The following LHX4 variants were observed in gnomAD, a reference collection of about 807,000 sequenced individuals.
LHX4 encodes the protein LIM homeobox 4, also known as LIM/homeobox protein Lhx4.
A neutral mutation model predicts 39.2 loss-of-function variants in LHX4; 16 were observed. That is an observed-to-expected ratio of 0.41 (90% CI 0.28 to 0.62). The LOEUF (loss-of-function observed/expected upper bound fraction) is 0.62, where lower values mean the gene tolerates loss of function less well. LHX4 is among the 20% of genes least tolerant of loss of function. LHX4 has a pLI of 0.33. For missense variants in LHX4, 439 were observed against 511.9 expected (o/e 0.86, Z 1.37); for synonymous variants, 206 against 198.1 (o/e 1.04, Z -0.33).
chr1:180,257,076 G>A (rs938297112), intron 2 of LHX4, among the ~76,000 whole-genome samples: 9 of 152,208 alleles, frequency 5.9e-5, no homozygotes, highest in East Asian at 1.9e-4. Context: ...GGTCCTGCAC[G>A]TCCCGTTGCC....
At chr1:180,231,540 C>T (rs1378245462) in intron 1 of LHX4, among the ~76,000 whole-genome samples, 1 of 135,752 alleles carries the variant, frequency 7.4e-6, no homozygotes, top group Non-Finnish European at 1.6e-5. Context: ...GAGGCCAGAA[C>T]AGGTGCCCAG....
In LHX4 at chr1:180,266,622, C is replaced by G. The variant is rs777054790; in HGVS notation, c.451+28C>G. ...AAGCAGCATGGCCCCGCATGGTCCC[C>G]TCTCCAGGCCTTTGTTTGGGCCACG... is the stretch of plus-strand genomic sequence containing the variant. On this transcript the variant is annotated intron_variant, in intron 3 of 5. Coordinates refer to ENST00000263726, the MANE Select transcript of LHX4 (RefSeq NM_033343.4). The surrounding 1 kb of genome is among the most constrained non-coding windows in gnomAD (Gnocchi z 5.7). 1 of 1,607,026 alleles carries G rather than the reference C, an allele frequency of 6.2e-7. No individual in the cohort carries two copies. The highest frequency in any genetic ancestry group is 8.5e-7 in the Non-Finnish European group (1 of 1,175,584).
chr1:180,270,938 G>A (rs1648610482), intron 3 of LHX4: 1 of 264,424 alleles, frequency 3.8e-6, no homozygotes, highest in Non-Finnish European at 7.5e-6. Flanking sequence ...TGGGGAAATG[G>A]GAGACTCCTG....
Position 180,266,919 on chromosome 1 carries a change from G to A in LHX4, c.451+325G>A, listed in dbSNP as rs1191833901. Among the ~76,000 whole-genome samples the A allele has an allele frequency of 6.6e-6, 1 of 152,204 alleles. No individual in the cohort carries two copies. The highest frequency in any genetic ancestry group is 1.5e-5 in the Non-Finnish European group (1 of 68,032). On this transcript the variant is annotated intron_variant, in intron 3 of 5. Coordinates refer to ENST00000263726, the MANE Select transcript of LHX4 (RefSeq NM_033343.4). This position sits in a 1 kb window ranked among gnomAD's most constrained non-coding sequence, Gnocchi z 5.7. ...CCTCCTTCCCTGGGTGGAGGCTGGG[G>A]TGCTGAGGGGTGGCTGGGAGCTTGG...
Position 180,257,760 on chromosome 1 carries a change from T to C in LHX4, c.249-8632T>C, listed in dbSNP as rs1270640444. Among the ~76,000 whole-genome samples, 4 of 152,212 alleles carry C rather than the reference T, an allele frequency of 2.6e-5. No individual in the cohort carries two copies. In the East Asian group the frequency reaches 7.7e-4, roughly 29 times the overall value. On this transcript the variant is annotated intron_variant, in intron 2 of 5. Coordinates refer to ENST00000263726, the MANE Select transcript of LHX4 (RefSeq NM_033343.4). ...TCAACTTGTGCAGTATTTTGTTTCC[T>C]CAGGACGGTGCACCGTTCCATGGCA... is the stretch of plus-strand genomic sequence containing the variant.
At chr1:180,259,131 G>C (rs1006838301) in intron 2 of LHX4, among the ~76,000 whole-genome samples, 6 of 151,984 alleles carry the variant, frequency 3.9e-5, no homozygotes, top group Admixed American at 3.9e-4. Context: ...GGAGGAGGAG[G>C]AGCAGGAGCA....
In LHX4 at chr1:180,274,616, TGA is replaced by T; in HGVS notation, c.*42_*43del. On this transcript the variant is annotated 3_prime_UTR_variant, in exon 6 of 6. Transcript: ENST00000263726. ...CCCCACCCTACCTGCCCCCCTGGCT[TGA>T]GAGAATATCTTCAAGGATCAAAAGA... 6.6e-7 allele frequency: 1 copy of T among 1,518,362 alleles called. No homozygotes were observed. Among genetic ancestry groups the T allele is most frequent in the Non-Finnish European group, 8.8e-7 (1 of 1,137,574 alleles). The allele number at this position is 1,518,362 out of a possible 1,614,324, so 94.1% of individuals were successfully genotyped here. A position where few individuals can be genotyped will look rare whatever the true frequency, so the allele number is the denominator to read the frequency against.
chr1:180,275,443 A>AT lies in LHX4; in HGVS notation c.*864_*865insT, dbSNP rs1252867621. On this transcript the variant is annotated 3_prime_UTR_variant, in exon 6 of 6. Coordinates refer to ENST00000263726, the MANE Select transcript of LHX4 (RefSeq NM_033343.4). ...ATGTGGGGAGAACAAAATGACAATC[A>AT]ATCAGTGAACATTTGTAGACACATT... 1.3e-5 allele frequency: 2 copies of AT among 152,254 alleles called. No individual in the cohort carries two copies. Among genetic ancestry groups the AT allele is most frequent in the Non-Finnish European group, 2.9e-5 (2 of 68,044 alleles). The allele number at this position is 152,254 out of a possible 1,614,324, so 9.4% of individuals were successfully genotyped here.
At chr1:180,247,259 AG>A (rs1647423403) in intron 1 of LHX4, among the ~76,000 whole-genome samples, 1 of 152,224 alleles carries the variant, frequency 6.6e-6, no homozygotes, top group Admixed American at 6.5e-5. Context: ...GAAGTCACCC[AG>A]GACAGGAACC....
At chr1:180,244,556 T>G (rs1234735252) in intron 1 of LHX4, among the ~76,000 whole-genome samples, 1 of 152,220 alleles carries the variant, frequency 6.6e-6, no homozygotes, top group Non-Finnish European at 1.5e-5. Flanking sequence ...ACTCATCAGA[T>G]TAAGGCTCCC....
chr1:180,262,281 GAAAAAAAA>G (rs34979970), intron 2 of LHX4, among the ~76,000 whole-genome samples: 4 of 132,562 alleles, frequency 3.0e-5, no homozygotes, highest in Middle Eastern at 3.5e-3. Context: ...ACTTTGAAAG[GAAAAAAAA>G]AAAAAAAAAA....
In LHX4 at chr1:180,274,402, C is replaced by T; in HGVS notation, c.996C>T (p.Tyr332=). 1 of 1,614,210 alleles carries T rather than the reference C, an allele frequency of 6.2e-7. No homozygotes were observed. Among genetic ancestry groups the T allele is most frequent in the Non-Finnish European group, 8.5e-7 (1 of 1,180,042 alleles). Residue 332 remains tyrosine, a synonymous_variant, in exon 6 of 6, where the codon TAC becomes TAT. Transcript: ENST00000263726. The part of the protein sequence containing the change: ...SHAPLLNGLD[Y]TVDSNLGIIA... ...CTCCTTTGCTCAATGGGCTGGATTA[C>T]ACGGTGGACAGTAATTTGGGCATCA...
intron 2 of LHX4, among the ~76,000 whole-genome samples, chr1:180,253,313 A>G (rs1036065567): frequency 1.1e-4 from 16 of 152,294 alleles, no homozygotes; most frequent in Admixed American, 3.9e-4. Context: ...TCCCCTTGCT[A>G]TCACCAGGTG....
In LHX4 at chr1:180,271,562, CG is replaced by C. The variant is rs747930737; in HGVS notation, c.606+32del. 4 of 1,613,292 alleles carry C rather than the reference CG, an allele frequency of 2.5e-6. No individual in the cohort carries two copies. The African/African-American group carries it at 5.3e-5, about 22-fold the overall frequency. On this transcript the variant is annotated intron_variant, in intron 4 of 5. Transcript: ENST00000263726. ...GAGATGCCAGCACTCCTGTGCCCTCCGGGGATCCCAGGCCCGGGACAGGGGT... is the reference window on the plus strand; with the variant it reads ...GAGATGCCAGCACTCCTGTGCCCTCCGGGATCCCAGGCCCGGGACAGGGGT...
At chr1:180,236,992 A>T (rs1664335375) in intron 1 of LHX4, among the ~76,000 whole-genome samples, 1 of 152,122 alleles carries the variant, frequency 6.6e-6, no homozygotes, top group Non-Finnish European at 1.5e-5. Flanking sequence ...TCCTGGAATG[A>T]GTGTTAACAA....
intron 1 of LHX4, among the ~76,000 whole-genome samples, chr1:180,240,212 A>G (rs1042210838): frequency 4.6e-5 from 7 of 152,198 alleles, no homozygotes; most frequent in African/African-American, 1.4e-4. Flanking sequence ...TAAAATTATT[A>G]TAATAGAGGT....
upstream of LHX4, among the ~76,000 whole-genome samples, chr1:180,230,016 C>T (rs1433327156): frequency 6.7e-6 from 1 of 149,818 alleles, no homozygotes; most frequent in East Asian, 2.0e-4. The surrounding 1 kb of genome is among the most constrained non-coding windows in gnomAD (Gnocchi z 5.8). Flanking sequence ...TGCCGCCCCG[C>T]CCCCCTCCGC....
chr1:180,230,351 C>A lies in LHX4; in HGVS notation c.-179C>A. 1 of 644,492 alleles carries A rather than the reference C, an allele frequency of 1.6e-6. No individual in the cohort carries two copies. The highest frequency in any genetic ancestry group is 2.8e-6 in the Non-Finnish European group (1 of 356,768). The allele number at this position is 644,492 out of a possible 1,614,324, so 39.9% of individuals were successfully genotyped here. A position where few individuals can be genotyped will look rare whatever the true frequency, so the allele number is the denominator to read the frequency against. On this transcript the variant is annotated 5_prime_UTR_variant, in exon 1 of 6. Coordinates refer to ENST00000263726, the MANE Select transcript of LHX4 (RefSeq NM_033343.4). The surrounding 1 kb of genome is among the most constrained non-coding windows in gnomAD (Gnocchi z 5.8). ...GGACTGGAAACAGACTGGGGACTGG[C>A]GGGGGGAGGGGGCCGGCCAGCCTGT... is the stretch of plus-strand genomic sequence containing the variant.
At chr1:180,256,492 C>G (rs1412761273) in intron 2 of LHX4, among the ~76,000 whole-genome samples, 2 of 152,222 alleles carry the variant, frequency 1.3e-5, no homozygotes, top group East Asian at 1.9e-4. Flanking sequence ...GGGCCTCTCT[C>G]CCACACACCC....
Sources: allele counts gnomAD v4.1 joint callset (sites outside exome capture counted in the v4.1 genomes callset), GRCh38; gene constraint gnomAD v4.1.1; non-coding constraint Gnocchi (gnomAD v3.1); transcripts MANE v1.5; gene names NCBI Gene and HGNC (gene_info 2026-07-23, HGNC 2026-07-21).